The following MINDY4 variants were observed in gnomAD, a reference collection of about 807,000 sequenced individuals.
The protein encoded by MINDY4 is probable ubiquitin carboxyl-terminal hydrolase MINDY-4.
MINDY4 carries 68 observed loss-of-function variants against 87.0 expected under a neutral mutation model. That is an observed-to-expected ratio of 0.78 (90% CI 0.64 to 0.96). The LOEUF is 0.96. MINDY4 is among the 40% of genes least tolerant of loss of function. MINDY4 has a pLI of 0.00. For synonymous variants in MINDY4, 379 were observed against 363.2 expected, an observed-to-expected ratio of 1.04 and a Z score of -0.50; for missense variants, 919 against 928.2, an observed-to-expected ratio of 0.99 and a Z score of 0.13.
chr7:30,837,881 A>C (rs560935487), intron 7 of MINDY4, among the ~76,000 whole-genome samples: 1 of 152,206 alleles, frequency 6.6e-6, no homozygotes, highest in Non-Finnish European at 1.5e-5. Flanking sequence ...ATGAATCCAC[A>C]CATCCTTTCT....
chr7:30,862,213 C>T (rs555323047), intron 13 of MINDY4, among the ~76,000 whole-genome samples: 4 of 152,320 alleles, frequency 2.6e-5, no homozygotes, highest in African/African-American at 7.2e-5. Flanking sequence ...AACCCTCCTA[C>T]CCCACCTGGA....
intron 5 of MINDY4, among the ~76,000 whole-genome samples, chr7:30,826,315 T>C (rs1788501925): frequency 6.6e-6 from 1 of 152,226 alleles, no homozygotes; most frequent in African/African-American, 2.4e-5. Context: ...GTAATGTGTT[T>C]CTTCTGGGCA....
chr7:30,820,449 A>G (rs1205576843), intron 5 of MINDY4, among the ~76,000 whole-genome samples: 1 of 152,174 alleles, frequency 6.6e-6, no homozygotes, highest in African/African-American at 2.4e-5. Flanking sequence ...TATAACCACC[A>G]CCTCTGTCTA....
chr7:30,828,873 G>A, intron 6 of MINDY4, 136 bp downstream of exon 6: 1 of 738,692 alleles, frequency 1.4e-6, no homozygotes, highest in Non-Finnish European at 2.3e-6. Flanking sequence ...CAAGTGAGTA[G>A]AGTAGACTAC....
intron 5 of MINDY4, among the ~76,000 whole-genome samples, chr7:30,815,526 G>T (rs1788122104): frequency 6.6e-6 from 1 of 152,236 alleles, no homozygotes; most frequent in African/African-American, 2.4e-5. Flanking sequence ...CCACGGGCTA[G>T]TGTGCAGAGG....
In MINDY4 at chr7:30,850,450, G is replaced by T. The variant is rs771636350; in HGVS notation, c.1446-4G>T. The T allele has an allele frequency of 1.9e-6, 3 of 1,609,738 alleles. No homozygotes were observed. On this transcript the variant is annotated splice_polypyrimidine_tract_variant and splice_region_variant and intron_variant, in intron 9 of 17. Transcript: ENST00000265299. ...CATAAATGCCTTCCTTTTCTTGTCC[G>T]CAGGGGACTGCAGCCTTCAGATGCC...
At chr7:30,838,157 G>C (rs1254275258) in intron 7 of MINDY4, among the ~76,000 whole-genome samples, 1 of 152,140 alleles carries the variant, frequency 6.6e-6, no homozygotes, top group African/African-American at 2.4e-5. Context: ...GAGGGGAGTG[G>C]GCGGGGACCT....
In MINDY4 at chr7:30,892,208, C is replaced by T. The variant is rs1790811368; in HGVS notation, c.*203C>T. ...GGGACCCAGTGTGTTGCTGGGTCCC[C>T]TCCCAGCTGAGCTGTGACTGCTGAG... On this transcript the variant is annotated 3_prime_UTR_variant, in exon 18 of 18. Coordinates refer to ENST00000265299, the MANE Select transcript of MINDY4 (RefSeq NM_032222.3). The T allele has an allele frequency of 5.1e-6, 3 of 588,376 alleles. No homozygotes were observed. Among genetic ancestry groups the T allele is most frequent in the Admixed American group, 6.1e-5 (2 of 32,786 alleles). 36.4% of individuals were successfully genotyped at this position (588,376 alleles called of 1,614,324 possible). A position where few individuals can be genotyped will look rare whatever the true frequency, so the allele number is the denominator to read the frequency against.
intron 5 of MINDY4, among the ~76,000 whole-genome samples, chr7:30,794,337 A>G (rs560474425): frequency 2.0e-5 from 3 of 152,206 alleles, no homozygotes; most frequent in African/African-American, 7.2e-5. Flanking sequence ...TAATTCTTCT[A>G]AAGCGTGGGA....
chr7:30,831,104 G>C (rs954329319), intron 6 of MINDY4, among the ~76,000 whole-genome samples: 3 of 152,174 alleles, frequency 2.0e-5, no homozygotes, highest in African/African-American at 7.2e-5. Context: ...TAGATGTTGG[G>C]ATACTGGTGA....
intron 12 of MINDY4, among the ~76,000 whole-genome samples, chr7:30,855,767 C>A (rs780557492): frequency 4.6e-5 from 7 of 152,228 alleles, no homozygotes; most frequent in Non-Finnish European, 7.3e-5. Context: ...GGCCTCCTTT[C>A]AGTGATGCCT....
rs574550984 is a variant in MINDY4 at position 30,833,232 on chromosome 7, A to G, written c.1133-3426A>G. ...ATAAAAACATACCCGAGATTGGGCA[A>G]TTTTCAAAGGAAACAAGTTTAATAG... is the stretch of plus-strand genomic sequence containing the variant. On this transcript the variant is annotated intron_variant, in intron 6 of 17. Transcript: ENST00000265299. Among the ~76,000 whole-genome samples the G allele has an allele frequency of 2.7e-3, 410 of 152,312 alleles. 4 individuals carry two copies. Among genetic ancestry groups the G allele is most frequent in the African/African-American group, 9.5e-3 (394 of 41,564 alleles).
intron 12 of MINDY4, among the ~76,000 whole-genome samples, chr7:30,855,380 C>G (rs955041165): frequency 1.3e-5 from 2 of 152,196 alleles, no homozygotes; most frequent in African/African-American, 2.4e-5. Flanking sequence ...GAGAGTGCAG[C>G]AGTCACAGGA....
intron 10 of MINDY4, 145 bp downstream of exon 10, chr7:30,850,700 T>G: frequency 1.4e-6 from 1 of 736,060 alleles, no homozygotes; most frequent in South Asian, 1.7e-5. Context: ...GCCAGCCTGA[T>G]GTGCTGAGCA....
At chr7:30,773,867 C>T (rs563481906) in intron 1 of MINDY4, among the ~76,000 whole-genome samples, 1 of 152,184 alleles carries the variant, frequency 6.6e-6, no homozygotes, top group East Asian at 1.9e-4. Context: ...TCCCTCGGGC[C>T]TACCATAACC....
Position 30,785,965 on chromosome 7 carries a change from G to A in MINDY4, c.636G>A (p.Met212Ile), listed in dbSNP as rs1462875022. 5 of 1,614,092 alleles carry A rather than the reference G, an allele frequency of 3.1e-6. No homozygotes were observed. The African/African-American group carries it at 4.0e-5, about 13-fold the overall frequency. ...CTGGTCTGATTGTGCGAGGCATGAT[G>A]TCTGGGCCCATCGCCAGCTCCCCAC... ...PKSGLIVRGM[M>I]SGPIASSPQD... The change falls in exon 4 of 18, where the codon ATG becomes ATA. Residue 212 changes from methionine to isoleucine, a missense_variant. By Grantham distance (10) the Met-to-Ile change is conservative (BLOSUM62 1). Transcript: ENST00000265299.
chr7:30,777,235 T>C (rs1219507942), intron 1 of MINDY4, among the ~76,000 whole-genome samples: 1 of 152,116 alleles, frequency 6.6e-6, no homozygotes, highest in Non-Finnish European at 1.5e-5. Flanking sequence ...GGGGTGGGGT[T>C]TGTTAAATGT....
intron 3 of MINDY4, 130 bp downstream of exon 3, chr7:30,782,342 TTG>T (rs56380069): frequency 0.19 from 103,218 of 553,028 alleles, 4,670 homozygotes; most frequent in African/African-American, 0.38. Context: ...GTGTGTATGT[TTG>T]TGTGTGTGTG....
intron 13 of MINDY4, among the ~76,000 whole-genome samples, chr7:30,867,006 C>A (rs970179536): frequency 3.3e-5 from 5 of 152,242 alleles, no homozygotes; most frequent in African/African-American, 9.6e-5. Context: ...GCCTGTGGGG[C>A]ACTCTGCAGT....
Sources: gnomAD v4.1 joint callset for allele counts (sites outside exome capture counted in the v4.1 genomes callset) on GRCh38, gnomAD v4.1.1 for gene constraint, MANE v1.5 for transcripts, NCBI Gene and HGNC (gene_info 2026-07-23, HGNC 2026-07-21) for gene names.